FBXL13: variants seen among roughly 807,000 people sequenced by gnomAD.
FBXL13 encodes F-box and leucine-rich repeat protein 13.
In FBXL13, 67 loss-of-function variants were observed where a neutral mutation model predicts 83.6. That is an observed-to-expected ratio of 0.80 (90% CI 0.66 to 0.98). The LOEUF (loss-of-function observed/expected upper bound fraction) is 0.98. FBXL13 is among the 50% of genes least tolerant of loss of function. The pLI is 0.00. For synonymous variants in FBXL13, 272 were observed against 299.5 expected, an observed-to-expected ratio of 0.91 and a Z score of 0.95; for missense variants, 822 against 866.5, an observed-to-expected ratio of 0.95 and a Z score of 0.64.
chr7:103,006,627 C>T (rs1791018330), intron 6 of FBXL13, among the ~76,000 whole-genome samples: 1 of 151,962 alleles, frequency 6.6e-6, no homozygotes, highest in African/African-American at 2.4e-5. Context: ...ACTACCAGAA[C>T]AAAATTCAAC....
In FBXL13 at chr7:102,980,776, CAA is replaced by C. The variant is rs1023947053; in HGVS notation, c.496-12661_496-12660del. 3.1e-5 allele frequency among the ~76,000 whole-genome samples: 4 copies of C among 129,202 alleles called. No homozygotes were observed. The Admixed American group carries it at 3.2e-4, about 10-fold the overall frequency. The allele number at this position is 129,202 out of a possible 152,430, so 84.8% of individuals were successfully genotyped here. ...TGGGCGACAGAGCGAGACTCCATCT[CAA>C]AAAAAAAAAGAGCTAAAACCATAAA... On this transcript the variant is annotated intron_variant, in intron 6 of 19. Transcript: ENST00000313221.
intron 16 of FBXL13, among the ~76,000 whole-genome samples, chr7:102,858,731 A>T (rs1355363304): frequency 1.3e-5 from 2 of 152,228 alleles, no homozygotes; most frequent in Non-Finnish European, 2.9e-5. Flanking sequence ...AAAAGAAGAC[A>T]GACCCAAAAG....
intron 6 of FBXL13, among the ~76,000 whole-genome samples, chr7:103,019,539 G>A (rs1020516782): frequency 2.0e-5 from 3 of 152,134 alleles, no homozygotes; most frequent in African/African-American, 7.2e-5. Flanking sequence ...CCAGGAGCTG[G>A]TTTTTTGAAA....
intron 11 of FBXL13, among the ~76,000 whole-genome samples, chr7:102,891,535 A>G (rs1811534468): frequency 6.6e-6 from 1 of 152,252 alleles, no homozygotes; most frequent in African/African-American, 2.4e-5. Context: ...TTGTTAATAG[A>G]CCAAGTAGTT....
intron 17 of FBXL13, among the ~76,000 whole-genome samples, chr7:102,840,459 T>C (rs1381506436): frequency 6.6e-6 from 1 of 152,220 alleles, no homozygotes; most frequent in East Asian, 1.9e-4. Flanking sequence ...GGCGGGGGAA[T>C]TCCTTAAGCT....
chr7:102,935,908 G>A (rs987943433), intron 8 of FBXL13, among the ~76,000 whole-genome samples: 3 of 152,162 alleles, frequency 2.0e-5, no homozygotes, highest in African/African-American at 7.2e-5. Context: ...TCAGAGAGGA[G>A]GCCGTGGCTC....
At chr7:103,026,132 G>A (rs143983447) in intron 5 of FBXL13, among the ~76,000 whole-genome samples, 4,116 of 151,904 alleles carry the variant, frequency 0.027, 99 homozygotes, top group Non-Finnish European at 0.036. Flanking sequence ...TGCTCTCAGG[G>A]ATTTTTTTGT....
Position 102,851,436 on chromosome 7 carries a change from C to CG in FBXL13, c.1719+3340_1719+3341insC, listed in dbSNP as rs1325787113. The stretch of plus-strand genomic sequence containing the variant: ...TTTATAGGTTTTTCTTTCTCTCTTT[C>CG]TTCCCTCCTTCCTTCCTTCCCTCCC... On this transcript the variant is annotated intron_variant, in intron 17 of 19. Transcript: ENST00000313221. Among the ~76,000 whole-genome samples the CG allele has an allele frequency of 6.7e-5, 9 of 134,966 alleles. 1 individual carries two copies. The highest frequency in any genetic ancestry group is 2.6e-4 in the African/African-American group (8 of 30,786). 88.5% of individuals were successfully genotyped at this position (134,966 alleles called of 152,430 possible).
chr7:103,030,072 C>T (rs906851938), intron 2 of FBXL13: 1 of 152,100 alleles, frequency 6.6e-6, no homozygotes, highest in East Asian at 1.9e-4. Flanking sequence ...GTGTTTTCCT[C>T]TTATTTTGTT....
At chr7:103,019,700 A>G (rs907716989) in intron 6 of FBXL13, among the ~76,000 whole-genome samples, 1 of 152,236 alleles carries the variant, frequency 6.6e-6, no homozygotes, top group African/African-American at 2.4e-5. Flanking sequence ...AAACACCTCT[A>G]TGCAAATAAA....
intron 17 of FBXL13, among the ~76,000 whole-genome samples, chr7:102,849,200 C>G (rs1166266188): frequency 6.6e-6 from 1 of 152,208 alleles, no homozygotes; most frequent in East Asian, 1.9e-4. Flanking sequence ...TCAGTTACAG[C>G]TGCATCAAAC....
At chr7:102,856,302 T>G (rs76285311) in intron 16 of FBXL13, among the ~76,000 whole-genome samples, 2,979 of 152,310 alleles carry the variant, frequency 0.02, 87 homozygotes, top group African/African-American at 0.068. Context: ...TTGGAAGAGT[T>G]TAGATATTCC....
intron 6 of FBXL13, among the ~76,000 whole-genome samples, chr7:102,992,410 A>T (rs1829670775): frequency 6.6e-6 from 1 of 152,156 alleles, no homozygotes; most frequent in Non-Finnish European, 1.5e-5. Flanking sequence ...GCTGTCACAC[A>T]GCTAGTGACA....
intron 8 of FBXL13, chr7:102,934,145 G>T: frequency 1.9e-6 from 3 of 1,614,160 alleles, no homozygotes; most frequent in Non-Finnish European, 8.5e-7. Flanking sequence ...TGTGCTGCCT[G>T]GTTGGCCTCA....
chr7:102,938,757 G>A (rs1279173893), intron 8 of FBXL13, among the ~76,000 whole-genome samples: 1 of 152,070 alleles, frequency 6.6e-6, no homozygotes, highest in African/African-American at 2.4e-5. Context: ...AAGTTCTAAG[G>A]TAAAAGAACT....
At chr7:102,992,052 T>A (rs558815195) in intron 6 of FBXL13, among the ~76,000 whole-genome samples, 16 of 152,286 alleles carry the variant, frequency 1.1e-4, no homozygotes, top group East Asian at 1.9e-4. Context: ...TCCTTTTTTT[T>A]AATTTCCCAC....
intron 10 of FBXL13, among the ~76,000 whole-genome samples, chr7:102,924,908 C>T (rs534882988): frequency 3.9e-5 from 6 of 152,184 alleles, no homozygotes; most frequent in Non-Finnish European, 7.4e-5. Context: ...GGATTACAGG[C>T]GTGAGCCACC....
intron 5 of FBXL13, among the ~76,000 whole-genome samples, chr7:103,026,181 C>T (rs899885184): frequency 3.3e-5 from 5 of 151,988 alleles, no homozygotes; most frequent in Non-Finnish European, 4.4e-5. Flanking sequence ...TTTTGTCGCC[C>T]AGGCTGGAGT....
intron 10 of FBXL13, among the ~76,000 whole-genome samples, chr7:102,922,773 C>T (rs578140470): frequency 1.3e-5 from 2 of 151,978 alleles, no homozygotes; most frequent in Non-Finnish European, 2.9e-5. Context: ...GAGATCGAGA[C>T]CATCCTGGCT....
Sources: gnomAD v4.1 joint callset for allele counts (sites outside exome capture counted in the v4.1 genomes callset) on GRCh38, gnomAD v4.1.1 for gene constraint, MANE v1.5 for transcripts, NCBI Gene and HGNC (gene_info 2026-07-23, HGNC 2026-07-21) for gene names.